Variants in PTPRK observed in about 807,000 individuals in gnomAD.
PTPRK encodes the protein protein tyrosine phosphatase receptor type K.
PTPRK carries 75 observed loss-of-function variants against 178.0 expected under a neutral mutation model. The observed-to-expected ratio is 0.42, with a 90% CI of 0.35 to 0.51. PTPRK has a LOEUF of 0.51. PTPRK is among the 20% of genes least tolerant of loss of function. PTPRK has a pLI of 0.02. For synonymous variants in PTPRK, 637 were observed against 620.6 expected (o/e 1.03, Z -0.39); for missense variants, 1,441 against 1,797.8 (o/e 0.80, Z 3.59).
intron 3 of PTPRK, among the ~76,000 whole-genome samples, chr6:128,270,420 T>A (rs150102362): frequency 6.6e-6 from 1 of 152,104 alleles, no homozygotes; most frequent in Non-Finnish European, 1.5e-5. Flanking sequence ...AAATAAAAAT[T>A]TAACTGAGTT....
chr6:128,105,070 T>C (rs1173018945), intron 7 of PTPRK, among the ~76,000 whole-genome samples: 1 of 152,220 alleles, frequency 6.6e-6, no homozygotes, highest in Non-Finnish European at 1.5e-5. Context: ...ATACTTCTCT[T>C]GTTTTCTCAA....
chr6:128,239,371 G>A (rs1052753467), intron 5 of PTPRK, among the ~76,000 whole-genome samples: 1 of 152,132 alleles, frequency 6.6e-6, no homozygotes, highest in Admixed American at 6.5e-5. Flanking sequence ...CCCTAGCACT[G>A]ACAGATAGAC....
rs941941466 is a variant in PTPRK, at chr6:127,969,703, T to C, written c.*524A>G. ...AGAACTTTAAATGATCCAGCCATCA[T>C]TGCACATTAAAAGAAAATAAGCCAG... On this transcript the variant is annotated 3_prime_UTR_variant, in exon 30 of 30. Transcript: ENST00000368226. The C allele has an allele frequency of 2.0e-5, 3 of 152,132 alleles. No individual in the cohort carries two copies. The highest frequency in any genetic ancestry group is 4.4e-5 in the Non-Finnish European group (3 of 68,016). The allele number at this position is 152,132 out of a possible 1,614,324, so 9.4% of individuals were successfully genotyped here.
intron 1 of PTPRK, among the ~76,000 whole-genome samples, chr6:128,447,164 G>A (rs1760760349): frequency 6.6e-6 from 1 of 152,146 alleles, no homozygotes; most frequent in Non-Finnish European, 1.5e-5. Flanking sequence ...GCAGCTCCTG[G>A]TTTGAATAAG....
rs554758697 is a variant in PTPRK at position 128,142,585 on chromosome 6, ACAG to A, written c.1162+41844_1162+41846del. ...ATACACACACACACGTGTGGTTTTCACAGACATGTCTCCTCCAAATGCAAACAT... is the reference window on the plus strand; with the variant it reads ...ATACACACACACACGTGTGGTTTTCAACATGTCTCCTCCAAATGCAAACAT... On this transcript the variant is annotated intron_variant, in intron 7 of 29. Transcript: ENST00000368226. 1.7e-3 allele frequency among the ~76,000 whole-genome samples: 262 copies of A among 151,914 alleles called. 1 individual carries two copies. Among genetic ancestry groups the A allele is most frequent in the African/African-American group, 6.0e-3 (249 of 41,496 alleles).
intron 11 of PTPRK, among the ~76,000 whole-genome samples, chr6:128,078,105 G>T (rs1456786960): frequency 6.6e-6 from 1 of 151,838 alleles, no homozygotes; most frequent in African/African-American, 2.4e-5. Flanking sequence ...TATCTTCAAA[G>T]CTCTTATAAC....
At chr6:128,389,544 G>A (rs186616446) in intron 2 of PTPRK, among the ~76,000 whole-genome samples, 15 of 151,378 alleles carry the variant, frequency 9.9e-5, no homozygotes, top group Admixed American at 9.9e-4. Context: ...TTGGAGAGGA[G>A]AAGTATAAGG....
At chr6:128,268,111 C>G (rs1382799879) in intron 3 of PTPRK, among the ~76,000 whole-genome samples, 1 of 151,926 alleles carries the variant, frequency 6.6e-6, no homozygotes, top group Non-Finnish European at 1.5e-5. Context: ...GTGGGGAAGG[C>G]TGAAATGGAA....
chr6:128,305,815 C>T (rs1562251465), intron 3 of PTPRK, among the ~76,000 whole-genome samples: 1 of 152,202 alleles, frequency 6.6e-6, no homozygotes. Context: ...GACCAGTATC[C>T]TTCTACTAAT....
At chr6:128,260,260 T>C (rs189357319) in intron 3 of PTPRK, among the ~76,000 whole-genome samples, 13 of 152,238 alleles carry the variant, frequency 8.5e-5, no homozygotes, top group Admixed American at 8.5e-4. Context: ...AGGAGTGACA[T>C]AATCTGAATT....
intron 1 of PTPRK, among the ~76,000 whole-genome samples, chr6:128,410,001 G>C (rs2128378317): frequency 6.6e-6 from 1 of 152,208 alleles, no homozygotes; most frequent in Non-Finnish European, 1.5e-5. Context: ...ATACCATCCA[G>C]GGTCAAGTCC....
At chr6:128,125,086 T>C (rs1793122105) in intron 7 of PTPRK, among the ~76,000 whole-genome samples, 1 of 152,242 alleles carries the variant, frequency 6.6e-6, no homozygotes, top group African/African-American at 2.4e-5. Context: ...ACACATTCTA[T>C]TGTTTCAAAT....
intron 1 of PTPRK, among the ~76,000 whole-genome samples, chr6:128,485,040 G>A (rs1452267424): frequency 1.3e-5 from 2 of 152,184 alleles, no homozygotes; most frequent in African/African-American, 2.4e-5. Context: ...GGAAGAATGA[G>A]GTCCATATAC....
chr6:128,182,484 G>C (rs1198625108), intron 7 of PTPRK, among the ~76,000 whole-genome samples: 2 of 152,090 alleles, frequency 1.3e-5, no homozygotes, highest in East Asian at 3.9e-4. Context: ...TGAGACAGGA[G>C]AATTGCTTGA....
chr6:128,449,111 C>T (rs1486126013), intron 1 of PTPRK, among the ~76,000 whole-genome samples: 10 of 151,982 alleles, frequency 6.6e-5, no homozygotes, highest in Admixed American at 1.3e-4. Context: ...CCACCCGCCT[C>T]GGCCTCCCAA....
chr6:128,037,257 G>A (rs1205434805), intron 13 of PTPRK, among the ~76,000 whole-genome samples: 2 of 152,168 alleles, frequency 1.3e-5, no homozygotes, highest in Admixed American at 1.3e-4. Flanking sequence ...GATTAAGACT[G>A]AATCAATTTA....
chr6:128,062,263 G>A (rs1780972007), intron 13 of PTPRK: 1 of 165,146 alleles, frequency 6.1e-6, no homozygotes, highest in Admixed American at 6.6e-5. Flanking sequence ...CCAGGCTGGA[G>A]TGCAGTGGTA....
intron 3 of PTPRK, among the ~76,000 whole-genome samples, chr6:128,285,152 G>A (rs984187503): frequency 3.9e-5 from 6 of 152,194 alleles, no homozygotes; most frequent in African/African-American, 1.4e-4. Context: ...CTTTGCAAAT[G>A]TTGTAGCAAA....
At chr6:128,255,831 T>G (rs1405115629) in intron 3 of PTPRK, among the ~76,000 whole-genome samples, 1 of 152,242 alleles carries the variant, frequency 6.6e-6, no homozygotes, top group Non-Finnish European at 1.5e-5. Context: ...ACCATTCATC[T>G]AGGCTGATCT....
Sources: allele counts gnomAD v4.1 joint callset (sites outside exome capture counted in the v4.1 genomes callset), GRCh38; gene constraint gnomAD v4.1.1; transcripts MANE v1.5; gene names NCBI Gene and HGNC (gene_info 2026-07-23, HGNC 2026-07-21).